CCDC138: variants seen among roughly 807,000 people sequenced by gnomAD.
CCDC138 encodes the protein coiled-coil domain containing 138, also known as coiled-coil domain-containing protein 138.
Under a neutral mutation model 82.3 loss-of-function variants are expected in CCDC138, and 66 were observed. That is an observed-to-expected ratio of 0.80 (90% CI 0.66 to 0.98). The LOEUF is 0.98. Among genes scored for constraint, CCDC138 ranks in the 50% least tolerant of loss-of-function variants. CCDC138 has a pLI of 0.00. For missense variants in CCDC138, 816 were observed against 758.9 expected (o/e 1.08, Z -0.88); for synonymous variants, 297 against 265.4 (o/e 1.12, Z -1.16).
chr2:108,859,966 C>T (rs1007357868), intron 13 of CCDC138, among the ~76,000 whole-genome samples: 1 of 152,040 alleles, frequency 6.6e-6, no homozygotes, highest in Non-Finnish European at 1.5e-5. Context: ...TTTATGTCAT[C>T]TGTGATTTCC....
chr2:108,868,492 C>G (rs1251645519), intron 13 of CCDC138, among the ~76,000 whole-genome samples: 4 of 152,136 alleles, frequency 2.6e-5, no homozygotes, highest in Non-Finnish European at 5.9e-5. Flanking sequence ...GTTGGCTCCC[C>G]CATCATCATT....
intron 10 of CCDC138, among the ~76,000 whole-genome samples, chr2:108,828,237 C>T (rs1413000960): frequency 6.6e-6 from 1 of 151,944 alleles, no homozygotes; most frequent in Non-Finnish European, 1.5e-5. Flanking sequence ...AAATATTTAT[C>T]AAATACGAGA....
chr2:108,796,502 C>T (rs1179139847), intron 5 of CCDC138, among the ~76,000 whole-genome samples: 3 of 152,128 alleles, frequency 2.0e-5, no homozygotes, highest in African/African-American at 4.8e-5. Flanking sequence ...AAAAAGAAAA[C>T]GGCGTATCGA....
chr2:108,815,443 G>C (rs1684589694), intron 9 of CCDC138, among the ~76,000 whole-genome samples: 1 of 134,836 alleles, frequency 7.4e-6, no homozygotes, highest in South Asian at 2.5e-4. Flanking sequence ...TTTAATATTA[G>C]TTGGGGAGGT....
chr2:108,812,625 C>T lies in CCDC138; in HGVS notation c.856-6C>T. On this transcript the variant is annotated splice_polypyrimidine_tract_variant and splice_region_variant and intron_variant, in intron 7 of 14. Transcript: ENST00000295124. ...ATTGAAATATCTAACTTTTTCTACC[C>T]TTTAGTTAAATGAAGCAAGTGAAGA... 2 of 1,607,788 alleles carry T rather than the reference C, an allele frequency of 1.2e-6. No individual in the cohort carries two copies. Among genetic ancestry groups the T allele is most frequent in the South Asian group, 2.2e-5 (2 of 90,842 alleles).
intron 9 of CCDC138, among the ~76,000 whole-genome samples, chr2:108,814,659 T>A (rs1419652540): frequency 6.6e-6 from 1 of 151,224 alleles, no homozygotes; most frequent in Admixed American, 6.6e-5. Context: ...TTTTTTAATT[T>A]ATTAATATTT....
intron 5 of CCDC138, among the ~76,000 whole-genome samples, chr2:108,797,691 A>G (rs1681134568): frequency 6.6e-6 from 1 of 152,146 alleles, no homozygotes; most frequent in Non-Finnish European, 1.5e-5. Context: ...GCATGTATAT[A>G]TGTATTTTAT....
intron 8 of CCDC138, 54 bp from the exon 9 acceptor site, chr2:108,812,766 G>A: frequency 6.2e-7 from 1 of 1,611,284 alleles, no homozygotes; most frequent in Middle Eastern, 1.7e-4. Flanking sequence ...TTACCTTTGA[G>A]TTTACTCATT....
Position 108,786,810 on chromosome 2 carries a change from G to C in CCDC138, c.-13G>C, listed in dbSNP as rs754865305. The C allele has an allele frequency of 1.3e-6, 2 of 1,582,406 alleles. No homozygotes were observed. Among genetic ancestry groups the C allele is most frequent in the Admixed American group, 1.8e-5 (1 of 54,144 alleles). Reference sequence around the variant, plus strand: ...CGCGGTTCCCGGGGAGACTGGTACGGTTGCTGTGTGCTATGGAGCCGAGGG... The same window carrying C: ...CGCGGTTCCCGGGGAGACTGGTACGCTTGCTGTGTGCTATGGAGCCGAGGG... On this transcript the variant is annotated 5_prime_UTR_variant, in exon 1 of 15. Transcript: ENST00000295124.
At chr2:108,872,876 G>A (rs1204582160) in intron 13 of CCDC138, among the ~76,000 whole-genome samples, 1 of 152,096 alleles carries the variant, frequency 6.6e-6, no homozygotes, top group African/African-American at 2.4e-5. Context: ...CATCTAAATA[G>A]CCCCACAAGT....
chr2:108,866,586 T>C (rs531797837), intron 13 of CCDC138, among the ~76,000 whole-genome samples: 3 of 152,266 alleles, frequency 2.0e-5, no homozygotes, highest in South Asian at 2.1e-4. Context: ...TATTGACACA[T>C]TGAAATGATT....
chr2:108,843,118 A>G (rs72934079), intron 11 of CCDC138, among the ~76,000 whole-genome samples: 11,031 of 151,388 alleles, frequency 0.073, 517 homozygotes, highest in South Asian at 0.15. Flanking sequence ...TATCCTATCT[A>G]TCTGTTTAGA....
Position 108,832,570 on chromosome 2 carries a change from C to T in CCDC138, c.1207-6615C>T, listed in dbSNP as rs142168797. Among the ~76,000 whole-genome samples the T allele has an allele frequency of 2.6e-5, 4 of 152,260 alleles. No individual in the cohort carries two copies. In the East Asian group the frequency reaches 7.7e-4, roughly 29 times the overall value. On this transcript the variant is annotated intron_variant, in intron 10 of 14. Transcript: ENST00000295124. The stretch of plus-strand genomic sequence containing the variant: ...CCTTGTTGGTCAGGCTGGTCTGGAA[C>T]TCCTGACCCAGAATTTGTATTTCCA...
At chr2:108,805,109 A>T (rs187819086) in intron 7 of CCDC138, 101 bp downstream of exon 7, 15 of 530,830 alleles carry the variant, frequency 2.8e-5, no homozygotes, top group Middle Eastern at 5.5e-4. Context: ...TCAGCTAGAG[A>T]AAATTTGGAT....
chr2:108,795,174 C>A (rs116732017), intron 5 of CCDC138, among the ~76,000 whole-genome samples: 4 of 17,050 alleles, frequency 2.3e-4, no homozygotes, highest in South Asian at 4.1e-3. Context: ...TTTTTTTTTG[C>A]GATGGAATCT....
At chr2:108,797,519 T>A (rs1489132589) in intron 5 of CCDC138, among the ~76,000 whole-genome samples, 1 of 151,892 alleles carries the variant, frequency 6.6e-6, no homozygotes, top group Non-Finnish European at 1.5e-5. Flanking sequence ...ATGTAGATGG[T>A]TGTAAAGGGG....
Position 108,822,860 on chromosome 2 carries a change from G to T in CCDC138, c.1206+6755G>T, listed in dbSNP as rs1412221098. ...GATCAAAATCAAAATCGACAGCCTG[G>T]CTGTGATTTGGTTCTTTGAAAGTAT... On this transcript the variant is annotated intron_variant, in intron 10 of 14. Transcript: ENST00000295124. Among the ~76,000 whole-genome samples, 3 of 152,272 alleles carry T rather than the reference G, an allele frequency of 2.0e-5. No homozygotes were observed. The East Asian group carries it at 5.8e-4, about 29-fold the overall frequency.
At chr2:108,871,985 T>C (rs1313202056) in intron 13 of CCDC138, among the ~76,000 whole-genome samples, 1 of 152,230 alleles carries the variant, frequency 6.6e-6, no homozygotes, top group East Asian at 1.9e-4. Context: ...TTGAATGATC[T>C]TTTAATTCCC....
At chr2:108,824,159 T>C (rs1436227651) in intron 10 of CCDC138, among the ~76,000 whole-genome samples, 3 of 56,844 alleles carry the variant, frequency 5.3e-5, no homozygotes, top group Admixed American at 2.3e-4. Flanking sequence ...ACACTAAATT[T>C]AGAAAAAAAA....
Sources: allele counts gnomAD v4.1 joint callset (sites outside exome capture counted in the v4.1 genomes callset), GRCh38; gene constraint gnomAD v4.1.1; transcripts MANE v1.5; gene names NCBI Gene and HGNC (gene_info 2026-07-23, HGNC 2026-07-21).